The following MCU variants were observed in gnomAD, a reference collection of about 807,000 sequenced individuals.
MCU encodes calcium uniporter protein, mitochondrial.
A neutral mutation model predicts 45.2 loss-of-function variants in MCU; 12 were observed. The ratio of observed to expected loss-of-function variants is 0.27; its 90% CI spans 0.17 to 0.43. MCU has a LOEUF of 0.43. Ranked by LOEUF, MCU falls within the 20% of genes least tolerant of loss-of-function variation. The pLI is 1.00. For synonymous variants in MCU, 160 were observed against 165.1 expected, an observed-to-expected ratio of 0.97 and a Z score of 0.24; for missense variants, 324 against 436.7, an observed-to-expected ratio of 0.74 and a Z score of 2.30.
chr10:72,797,407 G>T (rs972778610), intron 1 of MCU, among the ~76,000 whole-genome samples: 2 of 150,966 alleles, frequency 1.3e-5, no homozygotes, highest in African/African-American at 4.9e-5. Context: ...TGTAGTTTTA[G>T]TAGAGGCAGG....
intron 1 of MCU, among the ~76,000 whole-genome samples, chr10:72,824,596 A>G (rs1242869214): frequency 6.6e-6 from 1 of 152,116 alleles, no homozygotes; most frequent in Non-Finnish European, 1.5e-5. Context: ...TTTTATTTGT[A>G]ATTAGGTAAA....
At chr10:72,822,220 C>T (rs954617526) in intron 1 of MCU, among the ~76,000 whole-genome samples, 10 of 152,174 alleles carry the variant, frequency 6.6e-5, no homozygotes, top group East Asian at 1.9e-4. Flanking sequence ...TACAGTGAGC[C>T]GAGATCGCAC....
chr10:72,718,808 T>C lies in MCU; in HGVS notation c.150+26507T>C, dbSNP rs541054860. On this transcript the variant is annotated intron_variant, in intron 1 of 7. Transcript: ENST00000373053. ...AATGAGTATTGAACAGTGATCAGAA[T>C]GAACAGGTTACAACTACATATAAAA... Among the ~76,000 whole-genome samples, 9 of 152,326 alleles carry C rather than the reference T, an allele frequency of 5.9e-5. 1 individual carries two copies. Among genetic ancestry groups the C allele is most frequent in the Admixed American group, 5.9e-4 (9 of 15,304 alleles).
At chr10:72,835,699 G>A (rs1397459416) in intron 2 of MCU, among the ~76,000 whole-genome samples, 5 of 152,090 alleles carry the variant, frequency 3.3e-5, no homozygotes, top group Non-Finnish European at 5.9e-5. Context: ...GGTTAAAAAG[G>A]GGAAAATAGA....
intron 1 of MCU, among the ~76,000 whole-genome samples, chr10:72,765,079 C>T (rs1196406580): frequency 1.5e-4 from 22 of 144,670 alleles, no homozygotes; most frequent in Admixed American, 9.5e-4. Context: ...TGGTGAACCC[C>T]ATCTCTTAAA....
chr10:72,748,524 G>A (rs986118434), intron 1 of MCU, among the ~76,000 whole-genome samples: 2 of 152,152 alleles, frequency 1.3e-5, no homozygotes, highest in African/African-American at 4.8e-5. Context: ...TGAATGTCAA[G>A]GAGATATAAT....
chr10:72,811,173 A>G lies in MCU; in HGVS notation c.151-23186A>G, dbSNP rs76469139. 2.2e-4 allele frequency among the ~76,000 whole-genome samples: 34 copies of G among 152,356 alleles called. 2 individuals carry two copies. The East Asian group carries it at 6.4e-3, about 28-fold the overall frequency. ...TCAAGGCGAAAATGCGTAATTTATA[A>G]TGTAGGAAAGATAGGCTATAAAATA... On this transcript the variant is annotated intron_variant, in intron 1 of 7. Transcript: ENST00000373053.
chr10:72,853,013 T>A (rs1845230558), intron 2 of MCU, among the ~76,000 whole-genome samples: 1 of 152,260 alleles, frequency 6.6e-6, no homozygotes, highest in South Asian at 2.1e-4. Context: ...AGATCTGTCC[T>A]AAAATAATTT....
chr10:72,711,534 C>G (rs1427122891), intron 1 of MCU, among the ~76,000 whole-genome samples: 2 of 143,372 alleles, frequency 1.4e-5, no homozygotes, highest in Non-Finnish European at 3.0e-5. Flanking sequence ...TTTTTTTTTT[C>G]CCTCTTAATA....
chr10:72,746,151 A>G (rs1360140276), intron 1 of MCU, among the ~76,000 whole-genome samples: 5 of 152,306 alleles, frequency 3.3e-5, no homozygotes, highest in African/African-American at 1.2e-4. Flanking sequence ...TGTGCACAGT[A>G]TAGCGTGAAA....
At chr10:72,771,508 C>T (rs1843808076) in intron 1 of MCU, among the ~76,000 whole-genome samples, 2 of 152,130 alleles carry the variant, frequency 1.3e-5, no homozygotes, top group African/African-American at 4.8e-5. Flanking sequence ...CATAGATGTA[C>T]ATGTGTCTTT....
intron 6 of MCU, among the ~76,000 whole-genome samples, chr10:72,878,068 T>G (rs1189864664): frequency 6.7e-6 from 1 of 149,734 alleles, no homozygotes; most frequent in Non-Finnish European, 1.5e-5. Context: ...TGGGAGGAGA[T>G]AACATTATTC....
chr10:72,732,988 A>G (rs1843196448), intron 1 of MCU, among the ~76,000 whole-genome samples: 1 of 152,238 alleles, frequency 6.6e-6, no homozygotes, highest in South Asian at 2.1e-4. Flanking sequence ...TTAATATTAA[A>G]TGGAAGAAAA....
chr10:72,704,259 A>G (rs1842792450), intron 1 of MCU, among the ~76,000 whole-genome samples: 1 of 152,144 alleles, frequency 6.6e-6, no homozygotes, highest in African/African-American at 2.4e-5. Flanking sequence ...GGGAAGAGAG[A>G]AGAGAGATTT....
intron 1 of MCU, among the ~76,000 whole-genome samples, chr10:72,825,457 T>C (rs545558807): frequency 1.3e-5 from 2 of 152,354 alleles, no homozygotes; most frequent in Admixed American, 6.5e-5. Context: ...CTAAGAACAA[T>C]AACATCCTCT....
chr10:72,710,543 GTTTTT>G (rs555887994), intron 1 of MCU, among the ~76,000 whole-genome samples: 3 of 84,286 alleles, frequency 3.6e-5, no homozygotes, highest in African/African-American at 1.0e-4. Context: ...ATCACCTAAG[GTTTTT>G]TTTTTTTTTT....
At chr10:72,724,506 AC>A (rs111350607) in intron 1 of MCU, among the ~76,000 whole-genome samples, 1 of 151,560 alleles carries the variant, frequency 6.6e-6, no homozygotes, top group African/African-American at 2.4e-5. Context: ...TTCTACCACC[AC>A]CCCCTCCCCC....
chr10:72,698,238 G>A (rs960889255), intron 1 of MCU, among the ~76,000 whole-genome samples: 12 of 152,108 alleles, frequency 7.9e-5, no homozygotes, highest in African/African-American at 2.9e-4. Flanking sequence ...AGAAAATACA[G>A]CATCAAGAGT....
intron 1 of MCU, among the ~76,000 whole-genome samples, chr10:72,796,001 G>GA (rs551758079): frequency 1.0e-4 from 15 of 148,208 alleles, no homozygotes; most frequent in Admixed American, 4.7e-4. Flanking sequence ...CCATCTCAAT[G>GA]AAAAAAAAAA....
Sources: gnomAD v4.1 joint callset for allele counts (sites outside exome capture counted in the v4.1 genomes callset) on GRCh38, gnomAD v4.1.1 for gene constraint, MANE v1.5 for transcripts, NCBI Gene and HGNC (gene_info 2026-07-23, HGNC 2026-07-21) for gene names.